BET1L: variants seen among roughly 807,000 people sequenced by gnomAD.
BET1L encodes BET1-like protein.
Under a neutral mutation model 12.6 loss-of-function variants are expected in BET1L, and 13 were observed. That is an observed-to-expected ratio of 1.03 (90% CI 0.67 to 1.64). The LOEUF (loss-of-function observed/expected upper bound fraction) is 1.64, where lower values mean the gene tolerates loss of function less well. BET1L is among the 40% of genes most tolerant of loss of function. The pLI is 0.00. For missense variants in BET1L, 154 were observed against 150.7 expected (o/e 1.02, Z -0.11); for synonymous variants, 60 against 56.9 (o/e 1.05, Z -0.25).
rs150646734 is a variant in BET1L at position 204,994 on chromosome 11, T to C, written c.*308A>G. 2.8e-4 allele frequency: 101 copies of C among 361,616 alleles called. No homozygotes were observed. The highest frequency in any genetic ancestry group is 1.8e-3 in the African/African-American group (85 of 48,258). 22.4% of individuals were successfully genotyped at this position (361,616 alleles called of 1,614,324 possible). A position where few individuals can be genotyped will look rare whatever the true frequency, so the allele number is the denominator to read the frequency against. ...GCCACGTCTGGGATTCACCAGCTGCTCTGCTCAGACCTGGCTTCTCCAGAC... is the reference window on the plus strand; with the variant it reads ...GCCACGTCTGGGATTCACCAGCTGCCCTGCTCAGACCTGGCTTCTCCAGAC... On this transcript the variant is annotated 3_prime_UTR_variant, in exon 4 of 4. Coordinates refer to ENST00000382762, the MANE Select transcript of BET1L (RefSeq NM_001098787.2).
chr11:207,242 A>C (rs952690463), intron 1 of BET1L, 61 bp downstream of exon 1: 2 of 1,511,290 alleles, frequency 1.3e-6, no homozygotes, highest in East Asian at 2.6e-5. Context: ...GCGGCTCTAC[A>C]GGCAGCGGCG....
In BET1L at chr11:204,890, A is replaced by T. The variant is rs1855113968; in HGVS notation, c.*412T>A. 3 of 203,756 alleles carry T rather than the reference A, an allele frequency of 1.5e-5. No individual in the cohort carries two copies. In the South Asian group the frequency reaches 2.3e-4, roughly 16 times the overall value. 12.6% of individuals were successfully genotyped at this position (203,756 alleles called of 1,614,324 possible). ...AACCTTGGATCACAGACATGGCCTCACCCAGACAAGGACACGACCGTGCAG... is the reference window on the plus strand; with the variant it reads ...AACCTTGGATCACAGACATGGCCTCTCCCAGACAAGGACACGACCGTGCAG... On this transcript the variant is annotated 3_prime_UTR_variant, in exon 4 of 4. Transcript: ENST00000382762.
rs1855081326 is a variant in BET1L, at chr11:203,505, CG to C, written c.*1796del. 6.6e-6 allele frequency: 1 copy of C among 152,572 alleles called. No homozygotes were observed. 9.5% of individuals were successfully genotyped at this position (152,572 alleles called of 1,614,324 possible). A position where few individuals can be genotyped will look rare whatever the true frequency, so the allele number is the denominator to read the frequency against. On this transcript the variant is annotated 3_prime_UTR_variant, in exon 4 of 4. Coordinates refer to ENST00000382762, the MANE Select transcript of BET1L (RefSeq NM_001098787.2). ...ACAGCTCAGCCACATTCCCCAGAAA[CG>C]GAGGTCAGCCCTCCATGGCCCAGGA... is the stretch of plus-strand genomic sequence containing the variant.
intron 2 of BET1L, 101 bp from the exon 3 acceptor site, chr11:205,768 A>G: frequency 6.6e-7 from 1 of 1,510,816 alleles, no homozygotes. Flanking sequence ...ACTCTGCCAG[A>G]CACAGTGGGG....
At position 207,359 on chromosome 11, in the gene BET1L, C is replaced by CGGCCTCAGCCGCCTCAGACGT; in HGVS notation, c.-39_-38insACGTCTGAGGCGGCTGAGGCC. The CGGCCTCAGCCGCCTCAGACGT allele has an allele frequency of 6.0e-6, 9 of 1,506,420 alleles. No individual in the cohort carries two copies. The highest frequency in any genetic ancestry group is 7.1e-6 in the Non-Finnish European group (8 of 1,132,084). The allele number at this position is 1,506,420 out of a possible 1,614,324, so 93.3% of individuals were successfully genotyped here. ...CGGCTCCTCGACGCGGACACCGACG[C>CGGCCTCAGCCGCCTCAGACGT]GGCCACAGCCGCCTCAGACGTGGCG... On this transcript the variant is annotated 5_prime_UTR_variant, in exon 1 of 4. Coordinates refer to ENST00000382762, the MANE Select transcript of BET1L (RefSeq NM_001098787.2).
rs753195810 is a variant in BET1L, at chr11:205,665, G to C, written c.114C>G (p.Leu38=). 3 of 1,608,124 alleles carry C rather than the reference G, an allele frequency of 1.9e-6. No individual in the cohort carries two copies. The highest frequency in any genetic ancestry group is 1.3e-5 in the African/African-American group (1 of 74,230). The stretch of plus-strand genomic sequence containing the variant: ...CTGCATCCCTATCGATGTCCAGGGC[G>C]AGCTGTTCAGCAGACAGAGAGGGCA... The part of the protein sequence containing the change: ...LASKVTRLKS[L]ALDIDRDAED... The change falls in exon 3 of 4, where the codon CTC becomes CTG. Residue 38 remains leucine (L), a splice_region_variant and synonymous_variant. Transcript: ENST00000382762.
At chr11:205,501 A>C (rs376804241) in intron 3 of BET1L, 32 bp from the exon 4 acceptor site, 9 of 1,614,188 alleles carry the variant, frequency 5.6e-6, no homozygotes, top group Non-Finnish European at 7.6e-6. Flanking sequence ...GATCACACAG[A>C]AGTGGTGATT....
rs775471050 is a variant in BET1L at position 205,432 on chromosome 11, C to T, written c.206G>A (p.Gly69Glu). ...DFTSMTSLLTGSVKRFSTMAR... is the reference protein window; with the variant it reads ...DFTSMTSLLTESVKRFSTMAR... The stretch of plus-strand genomic sequence containing the variant: ...CATTGTGGAAAAGCGCTTCACGCTC[C>T]CTGTAAGCAGGCTGGTCATGCTTGT... The change falls in exon 4 of 4, where the codon GGG becomes GAG. Residue 69 changes from glycine to glutamate, a missense_variant. Transcript: ENST00000382762. 1.2e-5 allele frequency: 20 copies of T among 1,614,098 alleles called. No homozygotes were observed. The highest frequency in any genetic ancestry group is 2.7e-5 in the African/African-American group (2 of 74,924).
At position 205,146 on chromosome 11, in the gene BET1L, G is replaced by A. The variant is rs1855118606; in HGVS notation, c.*156C>T. ...GCCAACATGAGCTCATCAGGTCACAGGCAGCCGCAGCCTCCTGCCACACAG... is the reference window on the plus strand; with the variant it reads ...GCCAACATGAGCTCATCAGGTCACAAGCAGCCGCAGCCTCCTGCCACACAG... On this transcript the variant is annotated 3_prime_UTR_variant, in exon 4 of 4. Coordinates refer to ENST00000382762, the MANE Select transcript of BET1L (RefSeq NM_001098787.2). The A allele has an allele frequency of 9.4e-7, 1 of 1,062,674 alleles. No individual in the cohort carries two copies. The highest frequency in any genetic ancestry group is 1.3e-6 in the Non-Finnish European group (1 of 758,336). 65.8% of individuals were successfully genotyped at this position (1,062,674 alleles called of 1,614,324 possible). A position where few individuals can be genotyped will look rare whatever the true frequency, so the allele number is the denominator to read the frequency against.
chr11:207,292 C>G lies in BET1L; in HGVS notation c.19+11G>C. 1.3e-6 allele frequency: 2 copies of G among 1,540,732 alleles called. No individual in the cohort carries two copies. Among genetic ancestry groups the G allele is most frequent in the Non-Finnish European group, 8.7e-7 (1 of 1,151,190 alleles). Reference sequence around the variant, plus strand: ...GCCCTGCCCCCAACGGCTCCGCTCTCCCGCGCTCACCCCGAGCCCAGTCCG... The same window carrying G: ...GCCCTGCCCCCAACGGCTCCGCTCTGCCGCGCTCACCCCGAGCCCAGTCCG... On this transcript the variant is annotated intron_variant, in intron 1 of 3. Transcript: ENST00000382762.
rs1855105496 is a variant in BET1L at position 204,354 on chromosome 11, A to C, written c.*948T>G. ...AGGCTGGGGACAAGGAGGATGGCAC[A>C]GAATGCCATCACAGCCAGGGGAGTC... On this transcript the variant is annotated 3_prime_UTR_variant, in exon 4 of 4. Transcript: ENST00000382762. 6.6e-6 allele frequency: 1 copy of C among 152,308 alleles called. No individual in the cohort carries two copies. Among genetic ancestry groups the C allele is most frequent in the Admixed American group, 6.5e-5 (1 of 15,296 alleles). 9.4% of individuals were successfully genotyped at this position (152,308 alleles called of 1,614,324 possible). A position where few individuals can be genotyped will look rare whatever the true frequency, so the allele number is the denominator to read the frequency against.
intron 1 of BET1L, 24 bp downstream of exon 1, chr11:207,279 A>G (rs959218896): frequency 6.6e-7 from 1 of 1,526,646 alleles, no homozygotes; most frequent in Admixed American, 1.9e-5. Context: ...CCTGCCCCCA[A>G]CGGCTCCGCT....
In BET1L at chr11:206,263, C is replaced by G. The variant is rs188184943; in HGVS notation, c.20-220G>C. Among the ~76,000 whole-genome samples, 263 of 152,306 alleles carry G rather than the reference C, an allele frequency of 1.7e-3. 2 individuals carry two copies. Among genetic ancestry groups the G allele is most frequent in the Admixed American group, 5.0e-3 (76 of 15,292 alleles). ...GTGTACACATCAAGGTGGGGATGGG[C>G]AAGCACCCACAATGGGTTCGGTCCA... On this transcript the variant is annotated intron_variant, in intron 1 of 3. Transcript: ENST00000382762.
chr11:205,914 G>A (rs771776477), intron 2 of BET1L, 38 bp downstream of exon 2: 7 of 1,599,878 alleles, frequency 4.4e-6, no homozygotes, highest in East Asian at 4.5e-5. Flanking sequence ...ATTCCCCAAA[G>A]GCACCAGGTG....
At chr11:207,222 G>A in intron 1 of BET1L, 81 bp downstream of exon 1, 3 of 1,486,846 alleles carry the variant, frequency 2.0e-6, no homozygotes, top group Non-Finnish European at 2.7e-6. Flanking sequence ...TGGGCCAGAG[G>A]CAGGCGCACG....
At chr11:205,862 G>A (rs1219041444) in intron 2 of BET1L, 90 bp downstream of exon 2, 1 of 1,503,284 alleles carries the variant, frequency 6.7e-7, no homozygotes, top group East Asian at 2.3e-5. Flanking sequence ...ATGGAAAACT[G>A]CCTGAAACTC....
In BET1L at chr11:205,704, G is replaced by A. The variant is rs755621293; in HGVS notation, c.112-37C>T. ...ACAGAGAGGGCAGGGTTGGGCCAGAGCAGACACATAATACAGCACTCACCC... is the reference window on the plus strand; with the variant it reads ...ACAGAGAGGGCAGGGTTGGGCCAGAACAGACACATAATACAGCACTCACCC... On this transcript the variant is annotated intron_variant, in intron 2 of 3. Transcript: ENST00000382762. 3.0e-5 allele frequency: 47 copies of A among 1,592,678 alleles called. No homozygotes were observed. In the Middle Eastern group the frequency reaches 5.0e-4, roughly 17 times the overall value.
chr11:204,350 G>A lies in BET1L; in HGVS notation c.*952C>T. On this transcript the variant is annotated 3_prime_UTR_variant, in exon 4 of 4. Coordinates refer to ENST00000382762, the MANE Select transcript of BET1L (RefSeq NM_001098787.2). Reference sequence around the variant, plus strand: ...GCAGAGGCTGGGGACAAGGAGGATGGCACAGAATGCCATCACAGCCAGGGG... The same window carrying A: ...GCAGAGGCTGGGGACAAGGAGGATGACACAGAATGCCATCACAGCCAGGGG... 1 of 152,384 alleles carries A rather than the reference G, an allele frequency of 6.6e-6. No individual in the cohort carries two copies. The highest frequency in any genetic ancestry group is 1.5e-5 in the Non-Finnish European group (1 of 68,078). The allele number at this position is 152,384 out of a possible 1,614,324, so 9.4% of individuals were successfully genotyped here. A position where few individuals can be genotyped will look rare whatever the true frequency, so the allele number is the denominator to read the frequency against.
In BET1L at chr11:205,272, T is replaced by C; in HGVS notation, c.*30A>G. 2 of 1,599,026 alleles carry C rather than the reference T, an allele frequency of 1.3e-6. No individual in the cohort carries two copies. The highest frequency in any genetic ancestry group is 2.2e-5 in the South Asian group (2 of 89,614). ...AGGCAGGGAAGACCCTGGCTGCCCT[T>C]GGCACCCACAGACACCAGCTCCCAC... On this transcript the variant is annotated 3_prime_UTR_variant, in exon 4 of 4. Transcript: ENST00000382762.
Sources: allele counts gnomAD v4.1 joint callset (sites outside exome capture counted in the v4.1 genomes callset), GRCh38; gene constraint gnomAD v4.1.1; transcripts MANE v1.5; gene names NCBI Gene and HGNC (gene_info 2026-07-23, HGNC 2026-07-21).